Variants in UBE2E2 observed in about 807,000 individuals in gnomAD.
UBE2E2 encodes ubiquitin conjugating enzyme E2 E2.
Under a neutral mutation model 24.7 loss-of-function variants are expected in UBE2E2, and 6 were observed. The ratio of observed to expected loss-of-function variants is 0.24; its 90% CI spans 0.13 to 0.48. The LOEUF is 0.48. Ranked by LOEUF, UBE2E2 falls within the 20% of genes least tolerant of loss-of-function variation. UBE2E2 has a pLI of 0.99. For synonymous variants in UBE2E2, 104 were observed against 83.6 expected (o/e 1.24, Z -1.33); for missense variants, 169 against 245.0 (o/e 0.69, Z 2.07).
At chr3:23,380,558 T>C (rs1467222410) in intron 3 of UBE2E2, among the ~76,000 whole-genome samples, 1 of 152,204 alleles carries the variant, frequency 6.6e-6, no homozygotes, top group Non-Finnish European at 1.5e-5. Context: ...CCCTGCCCTA[T>C]ACCTTCTGCT....
intron 3 of UBE2E2, among the ~76,000 whole-genome samples, chr3:23,247,748 A>G (rs2031595275): frequency 6.6e-6 from 1 of 152,202 alleles, no homozygotes. Flanking sequence ...GCTCATTTGC[A>G]AAGGCACTTT....
intron 2 of UBE2E2, among the ~76,000 whole-genome samples, chr3:23,216,368 G>T (rs893246646): frequency 6.6e-5 from 10 of 151,978 alleles, no homozygotes; most frequent in African/African-American, 2.4e-4. Flanking sequence ...TTCTTGTTTT[G>T]GTTTTTAAAG....
chr3:23,451,998 G>T (rs1698571160), intron 3 of UBE2E2, among the ~76,000 whole-genome samples: 1 of 152,184 alleles, frequency 6.6e-6, no homozygotes, highest in Non-Finnish European at 1.5e-5. Flanking sequence ...AAATTATAGA[G>T]ATTTAATTGT....
At chr3:23,489,092 T>C (rs540908501) in intron 3 of UBE2E2, among the ~76,000 whole-genome samples, 77 of 152,318 alleles carry the variant, frequency 5.1e-4, no homozygotes, top group Middle Eastern at 6.8e-3. Context: ...GTCTTCACTT[T>C]AGAATTAGAG....
chr3:23,203,146 C>T (rs1039027514), upstream of UBE2E2: 52 of 984,702 alleles, frequency 5.3e-5, no homozygotes, highest in African/African-American at 3.7e-4. Context: ...CGGCGGCTCC[C>T]GGAGGTGGTG....
intron 3 of UBE2E2, among the ~76,000 whole-genome samples, chr3:23,286,980 G>A (rs375195601): frequency 3.9e-5 from 6 of 152,166 alleles, no homozygotes; most frequent in South Asian, 2.1e-4. Context: ...TTTTATAGTG[G>A]TGAAAGTGGG....
At chr3:23,348,844 G>A (rs1363459530) in intron 3 of UBE2E2, among the ~76,000 whole-genome samples, 1 of 152,086 alleles carries the variant, frequency 6.6e-6, no homozygotes, top group African/African-American at 2.4e-5. Flanking sequence ...GGAAAGTCTT[G>A]TTTGGAGCAA....
intron 3 of UBE2E2, among the ~76,000 whole-genome samples, chr3:23,265,496 G>T (rs972394628): frequency 1.3e-5 from 2 of 151,976 alleles, no homozygotes; most frequent in African/African-American, 4.8e-5. Context: ...GGGACTAGGG[G>T]TAAAACATGG....
At chr3:23,301,739 C>G (rs994911288) in intron 3 of UBE2E2, among the ~76,000 whole-genome samples, 2 of 152,190 alleles carry the variant, frequency 1.3e-5, no homozygotes, top group African/African-American at 2.4e-5. Context: ...CAGGGACCCA[C>G]TTGAGGAGGC....
chr3:23,547,571 T>G (rs1695551250), intron 5 of UBE2E2, among the ~76,000 whole-genome samples: 1 of 152,208 alleles, frequency 6.6e-6, no homozygotes, highest in African/African-American at 2.4e-5. Context: ...CTAGTGAAAT[T>G]TATTGTCAGA....
chr3:23,439,770 C>T (rs1349987364), intron 3 of UBE2E2, among the ~76,000 whole-genome samples: 2 of 151,958 alleles, frequency 1.3e-5, no homozygotes, highest in Non-Finnish European at 2.9e-5. Context: ...TCAGCGAAAA[C>T]GCATTGTATT....
At chr3:23,347,381 GGATGAGT>G (rs1398670837) in intron 3 of UBE2E2, among the ~76,000 whole-genome samples, 1 of 152,148 alleles carries the variant, frequency 6.6e-6, no homozygotes, top group Non-Finnish European at 1.5e-5. Flanking sequence ...CCATAAAAAA[GGATGAGT>G]TCATGTCCTT....
chr3:23,238,116 ATTG>A (rs1245891699), intron 3 of UBE2E2, among the ~76,000 whole-genome samples: 1 of 152,140 alleles, frequency 6.6e-6, no homozygotes, highest in African/African-American at 2.4e-5. Flanking sequence ...TATAATCTTT[ATTG>A]TTGAAAAAAG....
intron 3 of UBE2E2, among the ~76,000 whole-genome samples, chr3:23,487,157 G>A (rs1269614263): frequency 6.6e-6 from 1 of 152,158 alleles, no homozygotes; most frequent in African/African-American, 2.4e-5. Flanking sequence ...TGGCATGACA[G>A]CACCACCCCA....
intron 3 of UBE2E2, among the ~76,000 whole-genome samples, chr3:23,385,306 A>G (rs546001216): frequency 1.1e-4 from 16 of 152,340 alleles, no homozygotes; most frequent in African/African-American, 3.4e-4. Context: ...TTGCATTTAC[A>G]AAAATGATTG....
At chr3:23,510,438 G>C (rs113542857) in intron 4 of UBE2E2, among the ~76,000 whole-genome samples, 42,293 of 151,750 alleles carry the variant, frequency 0.28, 6,171 homozygotes, top group East Asian at 0.37. Flanking sequence ...GAAACCCTTT[G>C]TCTACAAAAA....
intron 4 of UBE2E2, among the ~76,000 whole-genome samples, chr3:23,507,849 G>A (rs1694491857): frequency 6.6e-6 from 1 of 152,202 alleles, no homozygotes; most frequent in Non-Finnish European, 1.5e-5. Context: ...GAGATTTTGT[G>A]TGCCTTTCTG....
At chr3:23,531,893 C>G (rs1190072718) in intron 4 of UBE2E2, among the ~76,000 whole-genome samples, 1 of 151,962 alleles carries the variant, frequency 6.6e-6, no homozygotes, top group Non-Finnish European at 1.5e-5. Flanking sequence ...AAAACCCTGT[C>G]TCTACTAAAA....
At chr3:23,571,020 T>A (rs548079618) in intron 5 of UBE2E2, among the ~76,000 whole-genome samples, 1 of 152,178 alleles carries the variant, frequency 6.6e-6, no homozygotes, top group East Asian at 1.9e-4. Context: ...AATGGATAAT[T>A]GGGACAAGAT....
Sources: gnomAD v4.1 joint callset for allele counts (sites outside exome capture counted in the v4.1 genomes callset) on GRCh38, gnomAD v4.1.1 for gene constraint, MANE v1.5 for transcripts, NCBI Gene and HGNC (gene_info 2026-07-23, HGNC 2026-07-21) for gene names.